RANBP17: variants seen among roughly 807,000 people sequenced by gnomAD.
RANBP17 encodes RAN binding protein 17.
In RANBP17, 158 loss-of-function variants were observed where a neutral mutation model predicts 141.2. The observed-to-expected ratio is 1.12, with a 90% confidence interval of 0.98 to 1.28. The LOEUF is 1.28. Ranked by LOEUF, RANBP17 falls within the 50% of genes most tolerant of loss-of-function variation. The pLI, the probability that RANBP17 is intolerant of heterozygous loss-of-function variation, is 0.00. For synonymous variants in RANBP17, 430 were observed against 450.0 expected (o/e 0.96, Z 0.56); for missense variants, 1,438 against 1,290.7 (o/e 1.11, Z -1.75).
intron 14 of RANBP17, among the ~76,000 whole-genome samples, chr5:171,082,258 A>G (rs1431511124): frequency 6.6e-6 from 1 of 152,114 alleles, no homozygotes; most frequent in Non-Finnish European, 1.5e-5. Flanking sequence ...TTGTGACTCC[A>G]GGCACCTTCA....
intron 14 of RANBP17, among the ~76,000 whole-genome samples, chr5:171,130,746 T>C (rs1356762729): frequency 1.3e-5 from 2 of 152,152 alleles, no homozygotes; most frequent in Non-Finnish European, 1.5e-5. Context: ...TTGTAAAATA[T>C]GTCAGGTGCT....
In RANBP17 at chr5:170,955,681, T is replaced by TATATATATATATATATATATACACAC. The variant is rs769742239; in HGVS notation, c.1574+1980_1574+1981insTATATATATATATATATATACACACA. On this transcript the variant is annotated intron_variant, in intron 13 of 27. Transcript: ENST00000523189. ...ATATATATATATATATATATATATA[T>TATATATATATATATATATATACACAC]ACACTGAATGAACTCTGTAGAGGAA... is the stretch of plus-strand genomic sequence containing the variant. Among the ~76,000 whole-genome samples, 49 of 39,092 alleles carry TATATATATATATATATATATACACAC rather than the reference T, an allele frequency of 1.3e-3. 6 individuals are homozygous for TATATATATATATATATATATACACAC. Among genetic ancestry groups the TATATATATATATATATATATACACAC allele is most frequent in the African/African-American group, 3.3e-3 (44 of 13,248 alleles). 25.6% of individuals were successfully genotyped at this position (39,092 alleles called of 152,430 possible).
At chr5:171,200,029 T>C (rs1385226152) in intron 19 of RANBP17, among the ~76,000 whole-genome samples, 5 of 152,184 alleles carry the variant, frequency 3.3e-5, no homozygotes, top group African/African-American at 9.6e-5. Flanking sequence ...GCAGTTACTA[T>C]CTTTAATAGG....
At chr5:171,071,676 A>G (rs1451597113) in intron 14 of RANBP17, among the ~76,000 whole-genome samples, 1 of 147,032 alleles carries the variant, frequency 6.8e-6, no homozygotes, top group Non-Finnish European at 1.5e-5. Flanking sequence ...AAAAAAAAAG[A>G]CCCTCAATAC....
chr5:171,088,445 A>G (rs1254781068), intron 14 of RANBP17, among the ~76,000 whole-genome samples: 1 of 151,912 alleles, frequency 6.6e-6, no homozygotes, highest in Non-Finnish European at 1.5e-5. Flanking sequence ...TGTGTCTTGG[A>G]GTTGCTCTTC....
At chr5:171,078,785 T>C (rs1378465605) in intron 14 of RANBP17, among the ~76,000 whole-genome samples, 2 of 152,242 alleles carry the variant, frequency 1.3e-5, no homozygotes, top group Non-Finnish European at 2.9e-5. Context: ...AAAAAAAGAT[T>C]AATTTTCAAA....
intron 14 of RANBP17, among the ~76,000 whole-genome samples, chr5:171,124,236 T>C (rs942824295): frequency 2.6e-5 from 4 of 151,614 alleles, no homozygotes; most frequent in Non-Finnish European, 5.9e-5. Flanking sequence ...GCTTCAGCAA[T>C]ACACTAGATC....
chr5:171,246,285 A>C (rs745652807), intron 24 of RANBP17, among the ~76,000 whole-genome samples: 4 of 152,216 alleles, frequency 2.6e-5, no homozygotes, highest in Non-Finnish European at 5.9e-5. Context: ...GGTACTCTGT[A>C]CTACAAGTTT....
intron 14 of RANBP17, among the ~76,000 whole-genome samples, chr5:171,084,466 G>A (rs1276489194): frequency 1.4e-5 from 1 of 69,666 alleles, no homozygotes; most frequent in Non-Finnish European, 3.1e-5. Context: ...TAGTCCTTTG[G>A]GTATATACCC....
intron 14 of RANBP17, among the ~76,000 whole-genome samples, chr5:171,023,875 G>C (rs994356760): frequency 3.3e-5 from 5 of 152,204 alleles, no homozygotes; most frequent in African/African-American, 1.2e-4. Context: ...ATACATTCTA[G>C]TCCTTCACTG....
At chr5:171,219,235 G>A (rs576641901) in intron 21 of RANBP17, among the ~76,000 whole-genome samples, 55 of 152,202 alleles carry the variant, frequency 3.6e-4, no homozygotes, top group Admixed American at 5.9e-4. Context: ...CTCTTCTGGC[G>A]TATACAGTTT....
chr5:171,088,476 A>G (rs1476755488), intron 14 of RANBP17, among the ~76,000 whole-genome samples: 1 of 151,900 alleles, frequency 6.6e-6, no homozygotes, highest in African/African-American at 2.4e-5. Context: ...TCTTTGTGGC[A>G]TTCTCTGTAT....
At chr5:170,916,860 C>T (rs765424632) in intron 9 of RANBP17, among the ~76,000 whole-genome samples, 1 of 151,824 alleles carries the variant, frequency 6.6e-6, no homozygotes, top group South Asian at 2.1e-4. Flanking sequence ...GGATTACAGG[C>T]TTGCACCCAC....
At chr5:170,929,915 A>T (rs1255213646) in intron 12 of RANBP17, among the ~76,000 whole-genome samples, 2 of 152,118 alleles carry the variant, frequency 1.3e-5, no homozygotes, top group Non-Finnish European at 2.9e-5. Context: ...TTGGGGTCAA[A>T]TTTAGTCATT....
At chr5:171,186,580 AGGCTGGAGTGCAGTGGTGCGATCTC>A in intron 18 of RANBP17, among the ~76,000 whole-genome samples, 1 of 98,886 alleles carries the variant, frequency 1.0e-5, no homozygotes, top group Non-Finnish European at 1.8e-5. Flanking sequence ...TCTGTCGCCC[AGGCTGGAGTGCAGTGGTGCGATCTC>A]GGCTCACTGC....
At position 171,074,503 on chromosome 5, in the gene RANBP17, A is replaced by T. The variant is rs973077422; in HGVS notation, c.1711-95627A>T. Among the ~76,000 whole-genome samples the T allele has an allele frequency of 2.6e-5, 4 of 152,344 alleles. No individual in the cohort carries two copies. In the East Asian group the frequency reaches 5.8e-4, roughly 22 times the overall value. ...TTATTGTACCAGTATTAATCATTTA[A>T]TTTTGACAAATGTACCTTGATTATG... On this transcript the variant is annotated intron_variant, in intron 14 of 27. Coordinates refer to ENST00000523189, the MANE Select transcript of RANBP17 (RefSeq NM_022897.5).
rs538495723 is a variant in RANBP17, at chr5:171,245,804, G to C, written c.2776+2984G>C. Among the ~76,000 whole-genome samples, 11 of 151,506 alleles carry C rather than the reference G, an allele frequency of 7.3e-5. No homozygotes were observed. In the South Asian group the frequency reaches 2.3e-3, roughly 32 times the overall value. On this transcript the variant is annotated intron_variant, in intron 24 of 27. Transcript: ENST00000523189. ...TTCCTCCACAAATGACTTCCAGCTTGTAATCTTCAGGAATTATTTGGCCTA... is the reference window on the plus strand; with the variant it reads ...TTCCTCCACAAATGACTTCCAGCTTCTAATCTTCAGGAATTATTTGGCCTA...
intron 14 of RANBP17, among the ~76,000 whole-genome samples, chr5:171,105,639 G>A (rs1398736573): frequency 6.6e-6 from 1 of 151,838 alleles, no homozygotes; most frequent in African/African-American, 2.4e-5. Flanking sequence ...AATCACTTGA[G>A]CCCAGGAGTT....
At chr5:171,081,902 T>C (rs1254015573) in intron 14 of RANBP17, among the ~76,000 whole-genome samples, 1 of 152,160 alleles carries the variant, frequency 6.6e-6, no homozygotes, top group African/African-American at 2.4e-5. Flanking sequence ...AGCAGTCACT[T>C]AATGTTTGTC....
Sources: gnomAD v4.1 joint callset for allele counts (sites outside exome capture counted in the v4.1 genomes callset) on GRCh38, gnomAD v4.1.1 for gene constraint, MANE v1.5 for transcripts, NCBI Gene and HGNC (gene_info 2026-07-23, HGNC 2026-07-21) for gene names.